The following MLIP variants were observed in gnomAD, a reference collection of about 807,000 sequenced individuals.
MLIP encodes the protein muscular LMNA interacting protein, also known as muscular LMNA-interacting protein.
Under a neutral mutation model 84.8 loss-of-function variants are expected in MLIP, and 79 were observed. The ratio of observed to expected loss-of-function variants is 0.93; its 90% confidence interval spans 0.78 to 1.12. MLIP has a LOEUF of 1.12. MLIP is among the 50% of genes most tolerant of loss of function. The pLI is 0.00. For synonymous variants in MLIP, 504 were observed against 463.0 expected (o/e 1.09, Z -1.14); for missense variants, 1,257 against 1,160.6 (o/e 1.08, Z -1.21).
chr6:54,148,519 T>C (rs1283120367), intron 4 of MLIP, among the ~76,000 whole-genome samples: 1 of 152,198 alleles, frequency 6.6e-6, no homozygotes, highest in Non-Finnish European at 1.5e-5. Flanking sequence ...TTGCTGATAT[T>C]ATTTATGTTC....
chr6:54,215,371 G>A, intron 11 of MLIP: 1 of 1,301,620 alleles, frequency 7.7e-7, no homozygotes, highest in Non-Finnish European at 9.7e-7. Flanking sequence ...CAAAAATGGG[G>A]CTACTAATCA....
At chr6:54,073,831 T>C (rs1766631411) in intron 1 of MLIP, among the ~76,000 whole-genome samples, 1 of 152,220 alleles carries the variant, frequency 6.6e-6, no homozygotes, top group African/African-American at 2.4e-5. Context: ...TTTAAACTCC[T>C]CTTGCAAAGG....
At chr6:54,089,018 G>A (rs190219215) in intron 1 of MLIP, among the ~76,000 whole-genome samples, 1 of 152,138 alleles carries the variant, frequency 6.6e-6, no homozygotes, top group African/African-American at 2.4e-5. Flanking sequence ...AAAAAAAGTG[G>A]AGACTAAAAT....
At chr6:54,053,434 C>T (rs1765482850) in intron 1 of MLIP, among the ~76,000 whole-genome samples, 2 of 152,172 alleles carry the variant, frequency 1.3e-5, no homozygotes, top group African/African-American at 2.4e-5. Context: ...TCCTACTTCT[C>T]ATTCTGGGAA....
chr6:54,214,855 A>G (rs1431863930), intron 11 of MLIP, among the ~76,000 whole-genome samples: 2 of 152,184 alleles, frequency 1.3e-5, no homozygotes, highest in African/African-American at 2.4e-5. Context: ...AATGCTGAGT[A>G]GTGAGTGCTG....
chr6:54,144,119 T>A (rs1772571727), intron 4 of MLIP, among the ~76,000 whole-genome samples: 1 of 152,138 alleles, frequency 6.6e-6, no homozygotes, highest in African/African-American at 2.4e-5. Context: ...CATTATAGAT[T>A]GTGCTCTGCC....
intron 12 of MLIP, among the ~76,000 whole-genome samples, chr6:54,239,623 C>CAAAAA (rs1231219276): frequency 8.2e-6 from 1 of 122,542 alleles, no homozygotes; most frequent in Admixed American, 8.2e-5. Context: ...ACTAAAAATA[C>CAAAAA]AAAAAAAAAA....
intron 1 of MLIP, among the ~76,000 whole-genome samples, chr6:54,022,653 T>C (rs532128046): frequency 1.3e-5 from 2 of 152,130 alleles, no homozygotes; most frequent in South Asian, 2.1e-4. Flanking sequence ...TATATTTACC[T>C]TCTACTGAAA....
intron 9 of MLIP, among the ~76,000 whole-genome samples, chr6:54,172,961 A>G (rs1775920883): frequency 6.6e-6 from 1 of 151,698 alleles, no homozygotes. Context: ...AACTAGGCTA[A>G]CAATATGTTG....
chr6:54,261,946 A>T lies in MLIP; in HGVS notation c.2977-4004A>T, dbSNP rs149846643. Reference sequence around the variant, plus strand: ...CTGGATATTATTACCTGTTGATTAAAAGAAGATTCCTATGCATTGATAGAC... The same window carrying T: ...CTGGATATTATTACCTGTTGATTAATAGAAGATTCCTATGCATTGATAGAC... On this transcript the variant is annotated intron_variant, in intron 13 of 13. Coordinates refer to ENST00000502396, the MANE Select transcript of MLIP (RefSeq NM_001281747.2). Among the ~76,000 whole-genome samples the T allele has an allele frequency of 3.9e-5, 6 of 152,142 alleles. No individual in the cohort carries two copies. In the East Asian group the frequency reaches 9.7e-4, roughly 25 times the overall value.
intron 10 of MLIP, among the ~76,000 whole-genome samples, chr6:54,190,765 A>C (rs1659767696): frequency 6.6e-6 from 1 of 151,648 alleles, no homozygotes; most frequent in Non-Finnish European, 1.5e-5. Flanking sequence ...TCATGAAATA[A>C]GTTTCCGAGA....
At chr6:54,117,763 GGTGAAACCCC>G (rs1770074830) in intron 1 of MLIP, among the ~76,000 whole-genome samples, 1 of 151,504 alleles carries the variant, frequency 6.6e-6, no homozygotes, top group Non-Finnish European at 1.5e-5. Context: ...TGGCTAACAT[GGTGAAACCCC>G]GTCTCTACTA....
intron 12 of MLIP, among the ~76,000 whole-genome samples, chr6:54,242,472 C>T (rs1170952151): frequency 6.6e-6 from 1 of 152,042 alleles, no homozygotes; most frequent in African/African-American, 2.4e-5. Context: ...ATATTATAGT[C>T]ATATATTCAA....
chr6:54,036,162 G>A (rs989687185), intron 1 of MLIP, among the ~76,000 whole-genome samples: 21 of 151,368 alleles, frequency 1.4e-4, no homozygotes, highest in Admixed American at 5.9e-4. Flanking sequence ...TACTACCCAT[G>A]TCAAAGGGTT....
At chr6:54,030,803 C>A (rs1275735216) in intron 1 of MLIP, 3 of 152,022 alleles carry the variant, frequency 2.0e-5, no homozygotes, top group Non-Finnish European at 4.4e-5. Flanking sequence ...TAATTATTTA[C>A]CTACCTACAG....
At chr6:54,244,493 G>A (rs1441168858) in intron 12 of MLIP, among the ~76,000 whole-genome samples, 3 of 152,108 alleles carry the variant, frequency 2.0e-5, no homozygotes, top group African/African-American at 7.2e-5. Flanking sequence ...ATGACTAAAT[G>A]CAAATTAATT....
intron 11 of MLIP, chr6:54,216,845 C>G (rs1779886707): frequency 1.0e-6 from 1 of 985,244 alleles, no homozygotes; most frequent in South Asian, 4.7e-5. Flanking sequence ...TAATCACAAT[C>G]TCTTATTTCA....
chr6:54,063,817 C>T (rs1766117509), intron 1 of MLIP, among the ~76,000 whole-genome samples: 1 of 151,874 alleles, frequency 6.6e-6, no homozygotes, highest in Non-Finnish European at 1.5e-5. Context: ...GCTCAAGGCA[C>T]ATATTTGTCC....
intron 1 of MLIP, chr6:54,043,217 C>T (rs1582017020): frequency 6.6e-6 from 1 of 152,326 alleles, no homozygotes; most frequent in Middle Eastern, 3.4e-3. Context: ...AGGCCGTCTT[C>T]TCCCATCTGG....
Sources: allele counts gnomAD v4.1 joint callset (sites outside exome capture counted in the v4.1 genomes callset), GRCh38; gene constraint gnomAD v4.1.1; transcripts MANE v1.5; gene names NCBI Gene and HGNC (gene_info 2026-07-23, HGNC 2026-07-21).